FMN1: variants seen among roughly 807,000 people sequenced by gnomAD.
The protein encoded by FMN1 is formin 1.
In FMN1, 110 loss-of-function variants were observed where a neutral mutation model predicts 132.4. The ratio of observed to expected loss-of-function variants is 0.83; its 90% CI spans 0.71 to 0.97. FMN1 has a LOEUF of 0.97. Ranked by LOEUF, FMN1 falls within the 50% of genes least tolerant of loss-of-function variation. The probability of loss-of-function intolerance (pLI) is 0.00; values close to 1 mark genes in which losing one functional copy is unlikely to be tolerated. For missense variants in FMN1, 1,792 were observed against 1,705.3 expected (o/e 1.05, Z -0.90); for synonymous variants, 722 against 651.7 (o/e 1.11, Z -1.64).
intron 17 of FMN1, among the ~76,000 whole-genome samples, chr15:32,828,537 A>G (rs917980403): frequency 1.3e-5 from 2 of 151,812 alleles, no homozygotes; most frequent in Non-Finnish European, 2.9e-5. Flanking sequence ...TTTTTGTAAC[A>G]GTGAATAGAC....
At chr15:33,057,809 T>A (rs1474984681) in intron 6 of FMN1, among the ~76,000 whole-genome samples, 1 of 152,222 alleles carries the variant, frequency 6.6e-6, no homozygotes, top group Non-Finnish European at 1.5e-5. Context: ...GTTTAGTTAT[T>A]TCTCAGAAAT....
At chr15:33,115,755 C>G (rs2039899813) in intron 4 of FMN1, among the ~76,000 whole-genome samples, 1 of 152,150 alleles carries the variant, frequency 6.6e-6, no homozygotes, top group Non-Finnish European at 1.5e-5. Flanking sequence ...TCCCATGTTG[C>G]TATTTCTGGC....
At chr15:33,118,232 TCCAA>T (rs2040001886) in intron 4 of FMN1, among the ~76,000 whole-genome samples, 1 of 152,222 alleles carries the variant, frequency 6.6e-6, no homozygotes, top group African/African-American at 2.4e-5. Flanking sequence ...AGTTGCTAGT[TCCAA>T]CCAAGCAATT....
At chr15:32,872,297 G>A (rs1445447816) in intron 16 of FMN1, among the ~76,000 whole-genome samples, 1 of 152,194 alleles carries the variant, frequency 6.6e-6, no homozygotes, top group East Asian at 1.9e-4. Context: ...AGAACATATA[G>A]AGCCTATATT....
chr15:33,040,933 A>G (rs1057386917), intron 6 of FMN1, among the ~76,000 whole-genome samples: 2 of 152,208 alleles, frequency 1.3e-5, no homozygotes, highest in African/African-American at 4.8e-5. Context: ...TTTGGTACTT[A>G]AAATACAGAA....
chr15:32,969,909 G>A (rs2031639306), intron 7 of FMN1, among the ~76,000 whole-genome samples: 2 of 152,184 alleles, frequency 1.3e-5, no homozygotes, highest in Non-Finnish European at 1.5e-5. Flanking sequence ...GCTTAGAGCT[G>A]TTCTCCCAGT....
intron 6 of FMN1, among the ~76,000 whole-genome samples, chr15:33,042,932 C>T (rs2036506801): frequency 6.6e-6 from 1 of 152,116 alleles, no homozygotes. Context: ...CACTGCTACC[C>T]CTTAACATAT....
At chr15:33,111,085 G>A (rs1007605601) in intron 4 of FMN1, among the ~76,000 whole-genome samples, 1 of 148,262 alleles carries the variant, frequency 6.7e-6, no homozygotes, top group African/African-American at 2.5e-5. Context: ...CATTTCTCAT[G>A]GCATATTTCC....
At chr15:33,038,878 C>A (rs985438471) in intron 6 of FMN1, among the ~76,000 whole-genome samples, 1 of 152,132 alleles carries the variant, frequency 6.6e-6, no homozygotes, top group African/African-American at 2.4e-5. Flanking sequence ...CAGGGTTCCA[C>A]GATTTTCTTT....
chr15:32,918,096 C>T (rs2060728006), intron 10 of FMN1, among the ~76,000 whole-genome samples: 1 of 151,424 alleles, frequency 6.6e-6, no homozygotes, highest in Admixed American at 6.6e-5. Context: ...GCACAGCAGA[C>T]AGAATTTCTT....
At chr15:32,950,762 G>C (rs112667349) in intron 9 of FMN1, among the ~76,000 whole-genome samples, 1 of 152,088 alleles carries the variant, frequency 6.6e-6, no homozygotes, top group Admixed American at 6.6e-5. Flanking sequence ...CCTGGGTGAC[G>C]AAATAATCTA....
chr15:32,781,836 A>C (rs561364960), intron 19 of FMN1, among the ~76,000 whole-genome samples: 26 of 152,320 alleles, frequency 1.7e-4, no homozygotes, highest in African/African-American at 6.0e-4. Flanking sequence ...AATTAAAGAA[A>C]ATACTATATG....
intron 5 of FMN1, among the ~76,000 whole-genome samples, chr15:33,087,551 A>C (rs2038743403): frequency 6.6e-6 from 1 of 152,210 alleles, no homozygotes; most frequent in Admixed American, 6.5e-5. Context: ...ATCTCAAAAA[A>C]ACAGAACAAC....
intron 6 of FMN1, among the ~76,000 whole-genome samples, chr15:33,057,418 A>C (rs942637500): frequency 1.1e-4 from 16 of 152,210 alleles, no homozygotes; most frequent in Admixed American, 9.2e-4. Context: ...ACTGGTTTAA[A>C]AAAAGAAAGT....
chr15:33,014,620 G>A (rs2034932199), intron 6 of FMN1, among the ~76,000 whole-genome samples: 1 of 152,112 alleles, frequency 6.6e-6, no homozygotes, highest in Non-Finnish European at 1.5e-5. Context: ...GCTCCTAACT[G>A]GCAGGATTCA....
rs1307365969 is a variant in FMN1, at chr15:32,881,936, TCA to T, written c.3835+6234_3835+6235del. ...GGCCCTTTAGTCCTCTGCTATTAGT[TCA>T]GTTAGCCACATCAGACTAGTATGCT... On this transcript the variant is annotated intron_variant, in intron 16 of 20. Transcript: ENST00000616417. Among the ~76,000 whole-genome samples, 3 of 152,262 alleles carry T rather than the reference TCA, an allele frequency of 2.0e-5. No homozygotes were observed. In the South Asian group the frequency reaches 6.2e-4, roughly 32 times the overall value.
At chr15:32,826,677 C>T (rs1035718854) in intron 17 of FMN1, among the ~76,000 whole-genome samples, 1 of 152,106 alleles carries the variant, frequency 6.6e-6, no homozygotes, top group African/African-American at 2.4e-5. Flanking sequence ...TAAGTCATAC[C>T]CACCTAGGAG....
intron 17 of FMN1, among the ~76,000 whole-genome samples, chr15:32,820,574 T>A (rs1467994050): frequency 6.6e-6 from 1 of 152,202 alleles, no homozygotes; most frequent in African/African-American, 2.4e-5. Flanking sequence ...TTTGGGAGTA[T>A]CCTTCCAGAA....
At chr15:32,996,050 G>C (rs990452933) in intron 7 of FMN1, among the ~76,000 whole-genome samples, 1 of 152,198 alleles carries the variant, frequency 6.6e-6, no homozygotes, top group Non-Finnish European at 1.5e-5. Flanking sequence ...CACAGACTTA[G>C]AGTAAACTAA....
Sources: allele counts gnomAD v4.1 joint callset (sites outside exome capture counted in the v4.1 genomes callset), GRCh38; gene constraint gnomAD v4.1.1; transcripts MANE v1.5; gene names NCBI Gene and HGNC (gene_info 2026-07-23, HGNC 2026-07-21).